The following LRRC8C variants were observed in gnomAD, a reference collection of about 807,000 sequenced individuals.
The protein encoded by LRRC8C is volume-regulated anion channel subunit LRRC8C.
Under a neutral mutation model 55.3 loss-of-function variants are expected in LRRC8C, and 20 were observed. The observed-to-expected ratio is 0.36, with a 90% CI of 0.25 to 0.53. LRRC8C has a LOEUF of 0.53. Among genes scored for constraint, LRRC8C ranks in the 20% least tolerant of loss-of-function variants. The pLI, the probability that LRRC8C is intolerant of heterozygous loss-of-function variation, is 0.92. For synonymous variants in LRRC8C, 376 were observed against 360.7 expected (o/e 1.04, Z -0.48); for missense variants, 659 against 951.4 (o/e 0.69, Z 4.04).
Position 89,714,313 on chromosome 1 carries a change from GCT to G in LRRC8C, c.1745_1746del (p.Leu582GlnfsTer18), listed in dbSNP as rs1487676834. 6.2e-7 allele frequency: 1 copy of G among 1,614,164 alleles called. No homozygotes were observed. Among genetic ancestry groups the G allele is most frequent in the Non-Finnish European group, 8.5e-7 (1 of 1,180,030 alleles). On this transcript the variant is annotated frameshift_variant, in exon 3 of 3. Coordinates refer to ENST00000370454, the MANE Select transcript of LRRC8C (RefSeq NM_032270.5). LOFTEE classifies it high-confidence loss of function. This position sits in a 1 kb window ranked among gnomAD's most constrained non-coding sequence, Gnocchi z 4.6. ...IHNDGTKLVM[L>X]NNLKKMTNLT... ...ATAATGATGGCACCAAGCTGGTGAT[GCT>G]CAACAACTTAAAGAAGATGACCAAT...
rs474536 is a variant in LRRC8C, at chr1:89,713,184, A to G, written c.614A>G (p.Asp205Gly). 1 allele frequency: 1,609,749 copies of G among 1,614,184 alleles called. 802,772 individuals are homozygous for G. Among genetic ancestry groups the G allele is most frequent in the East Asian group, 1 (44,882 of 44,882 alleles). Residue 205 changes from aspartate to glycine, a missense_variant, in exon 3 of 3, where the codon GAC (aspartate) becomes GGC (glycine). Transcript: ENST00000370454. This position sits in a 1 kb window ranked among gnomAD's most constrained non-coding sequence, Gnocchi z 5.2. ...AACACCATCCAATCTGGTCCAGAAG[A>G]CAGCCTGGTCAACTCTCAGTCTTTA... ...RSNTIQSGPEDSLVNSQSLKS... is the reference protein window; with the variant it reads ...RSNTIQSGPEGSLVNSQSLKS...
At chr1:89,678,548 A>G (rs1019539408) in intron 1 of LRRC8C, among the ~76,000 whole-genome samples, 35 of 152,124 alleles carry the variant, frequency 2.3e-4, no homozygotes, top group Admixed American at 6.5e-5. Context: ...TAAAAATACA[A>G]AATTAGCTGG....
chr1:89,630,723 G>A (rs1656085079), upstream of LRRC8C, among the ~76,000 whole-genome samples: 1 of 152,182 alleles, frequency 6.6e-6, no homozygotes, highest in Non-Finnish European at 1.5e-5. Flanking sequence ...AATAAGCCTT[G>A]TACTTCTTTA....
At chr1:89,704,142 A>G (rs1038233075) in intron 2 of LRRC8C, among the ~76,000 whole-genome samples, 2 of 152,116 alleles carry the variant, frequency 1.3e-5, no homozygotes, top group Admixed American at 6.5e-5. Context: ...CACCACTACA[A>G]ACAGGATACA....
At chr1:89,668,287 G>A (rs1657325058) in intron 1 of LRRC8C, 1 of 152,498 alleles carries the variant, frequency 6.6e-6, no homozygotes, top group Admixed American at 6.5e-5. Flanking sequence ...TCCACCCAAG[G>A]ATTTAGCATC....
intron 2 of LRRC8C, among the ~76,000 whole-genome samples, chr1:89,691,182 A>G (rs537060393): frequency 6.6e-6 from 1 of 152,308 alleles, no homozygotes; most frequent in East Asian, 1.9e-4. Context: ...AGAAACACAT[A>G]AGCAATGTTT....
intron 1 of LRRC8C, among the ~76,000 whole-genome samples, chr1:89,667,478 A>G (rs1230983635): frequency 6.6e-6 from 1 of 152,134 alleles, no homozygotes; most frequent in Non-Finnish European, 1.5e-5. Flanking sequence ...CTCAAACCTC[A>G]CACCCAATCC....
chr1:89,680,466 G>GTT (rs200444324), intron 1 of LRRC8C, among the ~76,000 whole-genome samples: 1 of 137,672 alleles, frequency 7.3e-6, no homozygotes. Context: ...TTTTGTAATA[G>GTT]TTTTTTTTTT....
At chr1:89,623,876 T>C in the LRRC8C span, among the ~76,000 whole-genome samples, 4 of 152,230 alleles carry the variant, frequency 2.6e-5, no homozygotes, top group African/African-American at 9.6e-5. Flanking sequence ...CTAGTCGTTG[T>C]AAAGAAATGT....
chr1:89,634,399 A>G (rs1656221836), intron 1 of LRRC8C, among the ~76,000 whole-genome samples: 1 of 152,202 alleles, frequency 6.6e-6, no homozygotes, highest in Non-Finnish European at 1.5e-5. Flanking sequence ...GAATAGGTAA[A>G]GGAAATCGCA....
intron 2 of LRRC8C, among the ~76,000 whole-genome samples, chr1:89,694,585 C>CTTTTTTTTT (rs33917661): frequency 1.2e-5 from 1 of 83,238 alleles, no homozygotes; most frequent in Non-Finnish European, 2.2e-5. Context: ...TGCCCAGCTT[C>CTTTTTTTTT]TTTTTTTTTT....
chr1:89,655,553 G>A (rs181856652), intron 1 of LRRC8C, among the ~76,000 whole-genome samples: 2 of 152,208 alleles, frequency 1.3e-5, no homozygotes, highest in Admixed American at 1.3e-4. Flanking sequence ...ATAAAATTTT[G>A]GGCTTACAGT....
rs117748438 is a variant in LRRC8C at position 89,694,472 on chromosome 1, C to T, written c.138+7861C>T. 3.4e-4 allele frequency among the ~76,000 whole-genome samples: 51 copies of T among 151,872 alleles called. No individual in the cohort carries two copies. In the East Asian group the frequency reaches 9.7e-3, roughly 29 times the overall value. Reference sequence around the variant, plus strand: ...TTCGTTTGTTTTGTTATTTTGGAGACGAGTTCTCACTCTGTTGCGCAGGCT... The same window carrying T: ...TTCGTTTGTTTTGTTATTTTGGAGATGAGTTCTCACTCTGTTGCGCAGGCT... On this transcript the variant is annotated intron_variant, in intron 2 of 2. Coordinates refer to ENST00000370454, the MANE Select transcript of LRRC8C (RefSeq NM_032270.5).
intron 1 of LRRC8C, among the ~76,000 whole-genome samples, chr1:89,652,472 A>G (rs1220993610): frequency 6.6e-6 from 1 of 152,210 alleles, no homozygotes; most frequent in Non-Finnish European, 1.5e-5. Flanking sequence ...ACAAATTTGC[A>G]TAGTGGCTGG....
intron 1 of LRRC8C, among the ~76,000 whole-genome samples, chr1:89,640,159 G>A (rs952872675): frequency 1.6e-4 from 25 of 152,150 alleles, no homozygotes; most frequent in Non-Finnish European, 3.5e-4. Context: ...CTGCCTCCTG[G>A]GTTCAAGTGA....
chr1:89,655,783 C>G (rs1656926446), intron 1 of LRRC8C, among the ~76,000 whole-genome samples: 1 of 152,178 alleles, frequency 6.6e-6, no homozygotes, highest in African/African-American at 2.4e-5. Context: ...ACTACCCTTG[C>G]TAACATGTAT....
chr1:89,718,527 A>G lies in LRRC8C; in HGVS notation c.*3545A>G, dbSNP rs574196259. 5 of 152,286 alleles carry G rather than the reference A, an allele frequency of 3.3e-5. No individual in the cohort carries two copies. Among genetic ancestry groups the G allele is most frequent in the African/African-American group, 1.2e-4 (5 of 41,586 alleles). 9.4% of individuals were successfully genotyped at this position (152,286 alleles called of 1,614,324 possible). A position where few individuals can be genotyped will look rare whatever the true frequency, so the allele number is the denominator to read the frequency against. ...AGGGTTGTGCTGTTATTTATTTTCTATTATAAGAAAAGTTCATTCTTTAAG... is the reference window on the plus strand; with the variant it reads ...AGGGTTGTGCTGTTATTTATTTTCTGTTATAAGAAAAGTTCATTCTTTAAG... On this transcript the variant is annotated 3_prime_UTR_variant, in exon 3 of 3. Coordinates refer to ENST00000370454, the MANE Select transcript of LRRC8C (RefSeq NM_032270.5).
At chr1:89,711,646 T>C (rs759029609) in intron 2 of LRRC8C, among the ~76,000 whole-genome samples, 3 of 152,232 alleles carry the variant, frequency 2.0e-5, no homozygotes, top group Non-Finnish European at 2.9e-5. Flanking sequence ...TCCTACCTTA[T>C]CTTCAAAAAG....
Position 89,636,642 on chromosome 1 carries a change from CTCCACCAGCT to C in LRRC8C, c.-5+3321_-5+3330del, listed in dbSNP as rs1656291625. Among the ~76,000 whole-genome samples the C allele has an allele frequency of 9.7e-5, 3 of 31,000 alleles. No homozygotes were observed. The South Asian group carries it at 1.9e-3, about 19-fold the overall frequency. The allele number at this position is 31,000 out of a possible 152,430, so 20.3% of individuals were successfully genotyped here. On this transcript the variant is annotated intron_variant, in intron 1 of 2. Coordinates refer to ENST00000370454, the MANE Select transcript of LRRC8C (RefSeq NM_032270.5). ...CCACACACCTCACCCTTGACCAAGC[CTCCACCAGCT>C]GAAATTCTGCATCTCCTACAAGGCT...
Sources: allele counts gnomAD v4.1 joint callset (sites outside exome capture counted in the v4.1 genomes callset), GRCh38; gene constraint gnomAD v4.1.1; non-coding constraint Gnocchi (gnomAD v3.1); transcripts MANE v1.5; gene names NCBI Gene and HGNC (gene_info 2026-07-23, HGNC 2026-07-21).